The following C6orf52 variants were observed in gnomAD, a reference collection of about 807,000 sequenced individuals.
C6orf52 encodes chromosome 6 open reading frame 52.
Under a neutral mutation model 16.6 loss-of-function variants are expected in C6orf52, and 16 were observed. That is an observed-to-expected ratio of 0.96 (90% CI 0.65 to 1.46). C6orf52 has a LOEUF of 1.46. C6orf52 is among the 40% of genes most tolerant of loss of function. C6orf52 has a pLI of 0.00. For missense variants in C6orf52, 166 were observed against 182.3 expected (o/e 0.91, Z 0.52); for synonymous variants, 53 against 61.4 (o/e 0.86, Z 0.64).
At chr6:10,677,648 C>T (rs1458380717) in intron 4 of C6orf52, among the ~76,000 whole-genome samples, 2 of 151,808 alleles carry the variant, frequency 1.3e-5, no homozygotes, top group African/African-American at 2.4e-5. Context: ...TCTCCCACCT[C>T]AGCCTCCCGA....
chr6:10,675,600 G>A (rs750749168), intron 4 of C6orf52, among the ~76,000 whole-genome samples: 15 of 152,118 alleles, frequency 9.9e-5, no homozygotes, highest in Non-Finnish European at 4.4e-5. Flanking sequence ...TTGAGGAAAC[G>A]CCATACTTTT....
chr6:10,677,060 T>G (rs1305995841), intron 4 of C6orf52, among the ~76,000 whole-genome samples: 1 of 152,230 alleles, frequency 6.6e-6, no homozygotes, highest in African/African-American at 2.4e-5. Context: ...CTGCCTGTCC[T>G]TTTGAGGTCA....
chr6:10,687,219 C>T (rs1581558344), intron 2 of C6orf52, 55 bp from the exon 3 acceptor site: 2 of 1,302,266 alleles, frequency 1.5e-6, no homozygotes, highest in Admixed American at 2.4e-5. Flanking sequence ...AACCCCCAAA[C>T]CCTTTCTTCT....
intron 1 of C6orf52, 125 bp downstream of exon 1, chr6:10,694,369 G>A (rs1304826883): frequency 6.5e-6 from 1 of 153,184 alleles, no homozygotes; most frequent in Non-Finnish European, 1.5e-5. Context: ...AAGTGTGCAG[G>A]GCTGGGGTTC....
chr6:10,687,650 T>C, intron 1 of C6orf52, 89 bp from the exon 2 acceptor site: 3 of 755,800 alleles, frequency 4.0e-6, no homozygotes, highest in South Asian at 1.6e-5. Flanking sequence ...GACAAATAAG[T>C]CTCGCAACTA....
chr6:10,672,761 A>G, intron 4 of C6orf52: 2 of 526,118 alleles, frequency 3.8e-6, no homozygotes, highest in Admixed American at 3.5e-5. Flanking sequence ...CTGCAAGCCA[A>G]GAAGAGAGCC....
intron 4 of C6orf52, among the ~76,000 whole-genome samples, chr6:10,677,523 TATC>T (rs1265977606): frequency 3.3e-5 from 5 of 151,320 alleles, no homozygotes; most frequent in Admixed American, 3.3e-4. Context: ...CAAATTATAG[TATC>T]ATTTTTTTCT....
At chr6:10,691,866 G>C (rs1027573091) in intron 1 of C6orf52, among the ~76,000 whole-genome samples, 9 of 152,016 alleles carry the variant, frequency 5.9e-5, no homozygotes, top group Middle Eastern at 3.4e-3. Context: ...AAACCACTTT[G>C]AGTTATGTTC....
chr6:10,690,178 G>T (rs1367138766), intron 1 of C6orf52, among the ~76,000 whole-genome samples: 1 of 152,176 alleles, frequency 6.6e-6, no homozygotes, highest in Non-Finnish European at 1.5e-5. Context: ...ACAGAAGGTT[G>T]TAAGCAAGAT....
intron 4 of C6orf52, among the ~76,000 whole-genome samples, chr6:10,678,216 G>A (rs1475898635): frequency 6.7e-6 from 1 of 149,520 alleles, no homozygotes; most frequent in Non-Finnish European, 1.5e-5. Flanking sequence ...AAGACAGAGA[G>A]AGTGCATTGA....
chr6:10,694,184 C>T (rs1479902760), intron 1 of C6orf52, among the ~76,000 whole-genome samples: 3 of 148,554 alleles, frequency 2.0e-5, no homozygotes, highest in Admixed American at 6.7e-5. Flanking sequence ...TGCTTGAACC[C>T]GGGAGGCAGA....
chr6:10,689,707 CAG>C (rs1769130345), intron 1 of C6orf52, among the ~76,000 whole-genome samples: 1 of 152,116 alleles, frequency 6.6e-6, no homozygotes, highest in African/African-American at 2.4e-5. Context: ...CGGCTGGTGT[CAG>C]AATAACTCTG....
chr6:10,682,000 G>C (rs1474207511), intron 4 of C6orf52, among the ~76,000 whole-genome samples: 1 of 152,178 alleles, frequency 6.6e-6, no homozygotes, highest in African/African-American at 2.4e-5. Flanking sequence ...ATGAGGAGGA[G>C]TCACCAGGAA....
chr6:10,694,310 G>A (rs1243621202), intron 1 of C6orf52, among the ~76,000 whole-genome samples, 184 bp downstream of exon 1: 2 of 151,142 alleles, frequency 1.3e-5, no homozygotes, highest in Non-Finnish European at 2.9e-5. Context: ...CCCAGGAGGT[G>A]CCGCAACCTT....
intron 4 of C6orf52, among the ~76,000 whole-genome samples, chr6:10,676,398 T>C (rs924856222): frequency 3.9e-5 from 6 of 152,230 alleles, no homozygotes; most frequent in African/African-American, 1.4e-4. Flanking sequence ...AATCATTTTC[T>C]TTTCTAACAA....
intron 3 of C6orf52, chr6:10,684,753 CA>C: frequency 1.5e-6 from 1 of 671,698 alleles, no homozygotes; most frequent in Non-Finnish European, 2.3e-6. Flanking sequence ...TTGGGGGAAG[CA>C]GGGAATGACT....
In C6orf52 at chr6:10,683,176, G is replaced by A. The variant is rs964864470; in HGVS notation, c.316+11C>T. On this transcript the variant is annotated intron_variant, in intron 4 of 4. Transcript: ENST00000259983. ...TTGTTTCCAACCACTTCAGCACAAG[G>A]TTTATGTTACCTTCTAGTGGGTCTT... 6 of 1,534,452 alleles carry A rather than the reference G, an allele frequency of 3.9e-6. No homozygotes were observed. The highest frequency in any genetic ancestry group is 2.5e-5 in the East Asian group (1 of 40,514).
At chr6:10,673,232 A>C (rs1767582167) in intron 4 of C6orf52, among the ~76,000 whole-genome samples, 1 of 152,228 alleles carries the variant, frequency 6.6e-6, no homozygotes, top group South Asian at 2.1e-4. Context: ...AGTTAGGATC[A>C]TATGCTTATG....
At chr6:10,677,748 G>A (rs931653903) in intron 4 of C6orf52, among the ~76,000 whole-genome samples, 2 of 151,714 alleles carry the variant, frequency 1.3e-5, no homozygotes, top group Admixed American at 1.3e-4. Context: ...TGACCAGGCT[G>A]TTCTTGAACT....
Sources: allele counts gnomAD v4.1 joint callset (sites outside exome capture counted in the v4.1 genomes callset), GRCh38; gene constraint gnomAD v4.1.1; transcripts MANE v1.5; gene names NCBI Gene and HGNC (gene_info 2026-07-23, HGNC 2026-07-21).